The following LBX2 variants were observed in gnomAD, a reference collection of about 807,000 sequenced individuals.
The protein encoded by LBX2 is ladybird homeobox 2.
Under a neutral mutation model 7.5 loss-of-function variants are expected in LBX2, and 6 were observed. That is an observed-to-expected ratio of 0.80 (90% confidence interval 0.44 to 1.59). The LOEUF (loss-of-function observed/expected upper bound fraction) is 1.59, where lower values mean the gene tolerates loss of function less well. LBX2 is among the 40% of genes most tolerant of loss of function. LBX2 has a pLI of 0.01. For missense variants in LBX2, 281 were observed against 282.0 expected (o/e 1.00, Z 0.03); for synonymous variants, 143 against 133.2 (o/e 1.07, Z -0.51).
rs371290188 is a variant in LBX2 at position 74,497,903 on chromosome 2, C to T, written c.*24G>A. 3.9e-6 allele frequency: 6 copies of T among 1,526,396 alleles called. No homozygotes were observed. The African/African-American group carries it at 8.3e-5, about 21-fold the overall frequency. The allele number at this position is 1,526,396 out of a possible 1,614,324, so 94.6% of individuals were successfully genotyped here. A position where few individuals can be genotyped will look rare whatever the true frequency, so the allele number is the denominator to read the frequency against. On this transcript the variant is annotated 3_prime_UTR_variant, in exon 2 of 2. Coordinates refer to ENST00000377566, the MANE Select transcript of LBX2 (RefSeq NM_001282430.2). ...GGTGAGGAGTCCAGGGCCCCAGAGC[C>T]CAGGATTGGCGGCGGCTTTGTCTTC...
upstream of LBX2, chr2:74,499,633 C>G: frequency 7.5e-7 from 1 of 1,333,074 alleles, no homozygotes. This position sits in a 1 kb window ranked among gnomAD's most constrained non-coding sequence, Gnocchi z 4.6. Flanking sequence ...CCCCCAGCCT[C>G]GGACCCGCCC....
In LBX2 at chr2:74,499,326, T is replaced by G; in HGVS notation, c.205+7A>C. On this transcript the variant is annotated splice_region_variant and intron_variant, in intron 1 of 1. Transcript: ENST00000377566. The surrounding 1 kb of genome is among the most constrained non-coding windows in gnomAD (Gnocchi z 4.6). ...AGTCAGAGTCCGCGACCTTGCCGGC[T>G]CTATACCTTCAGAGGGCTGCAGAGC... The G allele has an allele frequency of 6.5e-7, 1 of 1,549,980 alleles. No homozygotes were observed. The highest frequency in any genetic ancestry group is 8.7e-7 in the Non-Finnish European group (1 of 1,146,510).
chr2:74,498,258 C>G lies in LBX2; in HGVS notation c.266G>C (p.Arg89Pro), dbSNP rs1299673031. ...CACCTGTTGCGCGGTGAACGCAGTGCGTGACTTGCGCCGTTTGCGGCCGAA... is the reference window on the plus strand; with the variant it reads ...CACCTGTTGCGCGGTGAACGCAGTGGGTGACTTGCGCCGTTTGCGGCCGAA... Reference protein sequence around the residue: ...GPFGRKRRKSRTAFTAQQVLE... With the variant: ...GPFGRKRRKSPTAFTAQQVLE... The change falls in exon 2 of 2, where the codon CGC (arginine) becomes CCC (proline). Residue 89 changes from arginine (R) to proline (P), a missense_variant. This residue lies in a region of LBX2 where 216 missense variants were observed against 208.7 expected (regional missense o/e 1.03). Transcript: ENST00000377566. 19 of 1,596,162 alleles carry G rather than the reference C, an allele frequency of 1.2e-5. No individual in the cohort carries two copies. Among genetic ancestry groups the G allele is most frequent in the Non-Finnish European group, 1.6e-5 (19 of 1,174,756 alleles).
At position 74,499,248 on chromosome 2, in the gene LBX2, G is replaced by C. The variant is rs1674432438; in HGVS notation, c.205+85C>G. On this transcript the variant is annotated intron_variant, in intron 1 of 1. Coordinates refer to ENST00000377566, the MANE Select transcript of LBX2 (RefSeq NM_001282430.2). This position sits in a 1 kb window ranked among gnomAD's most constrained non-coding sequence, Gnocchi z 4.6. ...AGGATTAGGGTGGGTGGCCTGGGCT[G>C]GGACAAAGGTTTGAGACGGGGAACC... 1.3e-5 allele frequency: 17 copies of C among 1,278,600 alleles called. No homozygotes were observed. The East Asian group carries it at 4.3e-4, about 32-fold the overall frequency. The allele number at this position is 1,278,600 out of a possible 1,614,324, so 79.2% of individuals were successfully genotyped here. A position where few individuals can be genotyped will look rare whatever the true frequency, so the allele number is the denominator to read the frequency against.
chr2:74,499,229 A>G lies in LBX2; in HGVS notation c.205+104T>C. 1.0e-6 allele frequency: 1 copy of G among 1,000,618 alleles called. No homozygotes were observed. The highest frequency in any genetic ancestry group is 1.5e-6 in the Non-Finnish European group (1 of 660,534). The allele number at this position is 1,000,618 out of a possible 1,614,324, so 62.0% of individuals were successfully genotyped here. A position where few individuals can be genotyped will look rare whatever the true frequency, so the allele number is the denominator to read the frequency against. ...CGTGGGCTGAGGACAGGGGAGGATT[A>G]GGGTGGGTGGCCTGGGCTGGGACAA... On this transcript the variant is annotated intron_variant, in intron 1 of 1. Coordinates refer to ENST00000377566, the MANE Select transcript of LBX2 (RefSeq NM_001282430.2). The surrounding 1 kb of genome is among the most constrained non-coding windows in gnomAD (Gnocchi z 4.6).
chr2:74,502,805 A>G (rs753391940), upstream of LBX2: 9 of 1,613,654 alleles, frequency 5.6e-6, no homozygotes, highest in Non-Finnish European at 7.6e-6. The surrounding 1 kb of genome is among the most constrained non-coding windows in gnomAD (Gnocchi z 5.4). Context: ...CCTCCTCGAC[A>G]CTTTTCTCCC....
At chr2:74,499,790 T>G, upstream of LBX2, 2 of 558,902 alleles carry the variant, frequency 3.6e-6, no homozygotes, top group Non-Finnish European at 6.4e-6. This position sits in a 1 kb window ranked among gnomAD's most constrained non-coding sequence, Gnocchi z 4.6. Context: ...CCGACCAAAC[T>G]ACCCACCAGA....
upstream of LBX2, among the ~76,000 whole-genome samples, chr2:74,501,135 G>A (rs1012025705): frequency 6.6e-5 from 10 of 152,032 alleles, no homozygotes; most frequent in East Asian, 1.9e-4. Flanking sequence ...TCCCCCACCC[G>A]CAACATTCAC....
rs754955311 is a variant in LBX2 at position 74,498,047 on chromosome 2, C to T, written c.477G>A (p.Pro159=). The T allele has an allele frequency of 1.9e-6, 3 of 1,613,650 alleles. No homozygotes were observed. The highest frequency in any genetic ancestry group is 1.1e-5 in the South Asian group (1 of 91,072). Residue 159 remains proline (P), a synonymous_variant, in exon 2 of 2, where the codon CCG becomes CCA. Transcript: ENST00000377566. ...GCAGTGCTAAGCTGCACAGGACTTC[C>T]GGGGACAACGCGCGTAGCGAGGCGA... The part of the protein sequence containing the change: ...ADVASLRALS[P]EVLCSLALPE...
rs1359076263 is a variant in LBX2, at chr2:74,497,587, CT to C, written c.*339del. ...TGGACAACATAGCGGGACCTCCTCT[CT>C]AAAAAAAAAAGTTTTTTAAATTAGC... On this transcript the variant is annotated 3_prime_UTR_variant, in exon 2 of 2. Transcript: ENST00000377566. 4.6e-6 allele frequency: 1 copy of C among 218,644 alleles called. No individual in the cohort carries two copies. The highest frequency in any genetic ancestry group is 2.3e-5 in the African/African-American group (1 of 43,634). The allele number at this position is 218,644 out of a possible 1,614,324, so 13.5% of individuals were successfully genotyped here. A position where few individuals can be genotyped will look rare whatever the true frequency, so the allele number is the denominator to read the frequency against.
upstream of LBX2, chr2:74,499,644 C>T (rs957793826): frequency 5.6e-6 from 7 of 1,241,914 alleles, no homozygotes; most frequent in South Asian, 3.0e-5. This position sits in a 1 kb window ranked among gnomAD's most constrained non-coding sequence, Gnocchi z 4.6. Flanking sequence ...GGACCCGCCC[C>T]CGGCTCTGGG....
At chr2:74,500,518 G>T (rs1364890740), upstream of LBX2, among the ~76,000 whole-genome samples, 1 of 152,206 alleles carries the variant, frequency 6.6e-6, no homozygotes, top group South Asian at 2.1e-4. Context: ...TTGAAGGGCA[G>T]ACTTCACGGA....
chr2:74,499,740 G>A (rs776003329), upstream of LBX2: 1 of 614,792 alleles, frequency 1.6e-6, no homozygotes, highest in Non-Finnish European at 2.8e-6. The surrounding 1 kb of genome is among the most constrained non-coding windows in gnomAD (Gnocchi z 4.6). Context: ...TGTCCGGGGA[G>A]GGTATTTCTA....
chr2:74,499,663 C>T (rs1278937064), upstream of LBX2: 1 of 980,500 alleles, frequency 1.0e-6, no homozygotes, highest in Non-Finnish European at 1.5e-6. The surrounding 1 kb of genome is among the most constrained non-coding windows in gnomAD (Gnocchi z 4.6). Flanking sequence ...GGCCCGAGTC[C>T]CGTGTGCCCC....
chr2:74,497,526 G>A lies in LBX2; in HGVS notation c.*401C>T, dbSNP rs1674377744. On this transcript the variant is annotated 3_prime_UTR_variant, in exon 2 of 2. Coordinates refer to ENST00000377566, the MANE Select transcript of LBX2 (RefSeq NM_001282430.2). Reference sequence around the variant, plus strand: ...CTGGATAGAGGCATGGTGCGGCAGAGTCTCGACTTTATTCTCAAATATTGG... The same window carrying A: ...CTGGATAGAGGCATGGTGCGGCAGAATCTCGACTTTATTCTCAAATATTGG... 5.9e-6 allele frequency: 1 copy of A among 170,562 alleles called. No homozygotes were observed. Among genetic ancestry groups the A allele is most frequent in the Admixed American group, 5.8e-5 (1 of 17,218 alleles). 10.6% of individuals were successfully genotyped at this position (170,562 alleles called of 1,614,324 possible). A position where few individuals can be genotyped will look rare whatever the true frequency, so the allele number is the denominator to read the frequency against.
chr2:74,499,660 G>A (rs1026558611), upstream of LBX2: 42 of 1,043,798 alleles, frequency 4.0e-5, no homozygotes, highest in Non-Finnish European at 5.4e-5. The surrounding 1 kb of genome is among the most constrained non-coding windows in gnomAD (Gnocchi z 4.6). Flanking sequence ...CTGGGCCCGA[G>A]TCCCGTGTGC....
upstream of LBX2, chr2:74,499,616 A>T: frequency 2.1e-6 from 3 of 1,435,608 alleles, no homozygotes; most frequent in Admixed American, 2.2e-5. The surrounding 1 kb of genome is among the most constrained non-coding windows in gnomAD (Gnocchi z 4.6). Context: ...TCGGCTCCCA[A>T]TCCGGGCCCC....
upstream of LBX2, among the ~76,000 whole-genome samples, chr2:74,500,735 A>G (rs1674468589): frequency 6.6e-6 from 1 of 152,164 alleles, no homozygotes; most frequent in Non-Finnish European, 1.5e-5. Context: ...CCAGCAGGGT[A>G]TGGGTTTTGT....
chr2:74,498,109 T>C lies in LBX2; in HGVS notation c.415A>G (p.Lys139Glu), dbSNP rs753669213. Reference sequence around the variant, plus strand: ...ATCTCCTCCACATCGCGCTTGAGCTTGGCTCGCCGGTTCTGGAACCAAGTG... The same window carrying C: ...ATCTCCTCCACATCGCGCTTGAGCTCGGCTCGCCGGTTCTGGAACCAAGTG... ...VVTWFQNRRA[K>E]LKRDVEEMRA... Residue 139 changes from lysine (K) to glutamate (E), a missense_variant, in exon 2 of 2, where the codon AAG (lysine) becomes GAG (glutamate). By Grantham distance (56) the Lys-to-Glu change is moderately conservative. Around this residue, in one of 3 missense-constraint regions of LBX2, gnomAD observed 216 missense variants for 208.7 expected, o/e 1.03. Transcript: ENST00000377566. 9.2e-5 allele frequency: 148 copies of C among 1,613,062 alleles called. 1 individual carries two copies. The highest frequency in any genetic ancestry group is 4.5e-5 in the East Asian group (2 of 44,862).
Sources: allele counts gnomAD v4.1 joint callset (sites outside exome capture counted in the v4.1 genomes callset), GRCh38; gene constraint gnomAD v4.1.1; regional missense constraint gnomAD v4.1.1; non-coding constraint Gnocchi (gnomAD v3.1); transcripts MANE v1.5; gene names NCBI Gene and HGNC (gene_info 2026-07-23, HGNC 2026-07-21).